RNLS: variants seen among roughly 807,000 people sequenced by gnomAD.
The protein encoded by RNLS is renalase, FAD dependent amine oxidase.
In RNLS, 39 loss-of-function variants were observed where a neutral mutation model predicts 39.8. That is an observed-to-expected ratio of 0.98 (90% CI 0.76 to 1.28). The LOEUF (loss-of-function observed/expected upper bound fraction) is 1.28. RNLS is among the 50% of genes most tolerant of loss of function. The probability of loss-of-function intolerance (pLI) is 0.00; values close to 1 mark genes in which losing one functional copy is unlikely to be tolerated. For missense variants in RNLS, 410 were observed against 413.3 expected, an observed-to-expected ratio of 0.99 and a Z score of 0.07; for synonymous variants, 147 against 150.7, an observed-to-expected ratio of 0.98 and a Z score of 0.18.
In RNLS at chr10:88,530,397, T is replaced by C. The variant is rs74567827; in HGVS notation, c.526+42506A>G. ...TTCTTTGTTTCCTGTTTCTTTTGTT[T>C]CTTTTTCTCTGTTTTTGTGACTTTT... On this transcript the variant is annotated intron_variant, in intron 4 of 6. Coordinates refer to ENST00000331772, the MANE Select transcript of RNLS (RefSeq NM_001031709.3). Among the ~76,000 whole-genome samples the C allele has an allele frequency of 5.5e-3, 837 of 152,336 alleles. 9 individuals carry two copies. Among genetic ancestry groups the C allele is most frequent in the African/African-American group, 0.02 (817 of 41,590 alleles).
the RNLS span, among the ~76,000 whole-genome samples, chr10:88,175,668 TC>T: frequency 7.2e-5 from 11 of 152,314 alleles, no homozygotes; most frequent in African/African-American, 2.6e-4. Context: ...CATCATATGA[TC>T]TATCCTGGAG....
intron 5 of RNLS, among the ~76,000 whole-genome samples, chr10:88,358,814 T>C (rs929333043): frequency 3.9e-5 from 6 of 152,234 alleles, no homozygotes; most frequent in African/African-American, 1.4e-4. Flanking sequence ...GGGCTACTTC[T>C]ATATCCTCTA....
rs1322257734 is a variant in RNLS at position 88,284,176 on chromosome 10, A to T, written c.*1178T>A. The T allele has an allele frequency of 1.0e-6, 1 of 985,266 alleles. No individual in the cohort carries two copies. Among genetic ancestry groups the T allele is most frequent in the Non-Finnish European group, 1.2e-6 (1 of 829,908 alleles). 61.0% of individuals were successfully genotyped at this position (985,266 alleles called of 1,614,324 possible). The stretch of plus-strand genomic sequence containing the variant: ...AATATGCTATAGGGTCATAAAACCC[A>T]CTTTGCAGCTATAGAAGCAAGTTCT... On this transcript the variant is annotated 3_prime_UTR_variant, in exon 7 of 7. Coordinates refer to ENST00000331772, the MANE Select transcript of RNLS (RefSeq NM_001031709.3).
intron 4 of RNLS, among the ~76,000 whole-genome samples, chr10:88,393,668 T>C (rs1852360178): frequency 6.6e-6 from 1 of 152,134 alleles, no homozygotes; most frequent in Non-Finnish European, 1.5e-5. Flanking sequence ...CCAATGACTT[T>C]CTTCACAGAA....
chr10:88,323,529 T>C (rs1277617346), intron 5 of RNLS, among the ~76,000 whole-genome samples: 1 of 152,004 alleles, frequency 6.6e-6, no homozygotes, highest in Non-Finnish European at 1.5e-5. Flanking sequence ...GTAAATTATG[T>C]GGGGGAAAAC....
intron 4 of RNLS, among the ~76,000 whole-genome samples, chr10:88,416,414 C>T (rs1022147519): frequency 9.2e-5 from 14 of 151,738 alleles, no homozygotes; most frequent in African/African-American, 2.7e-4. Context: ...CCAACACGCC[C>T]GGCTAATTTC....
At chr10:88,216,787 C>CA in the RNLS span, among the ~76,000 whole-genome samples, 3,201 of 152,170 alleles carry the variant, frequency 0.021, 43 homozygotes, top group East Asian at 0.036. Flanking sequence ...ACAACAACAA[C>CA]AAAAAAACCC....
chr10:88,330,463 C>G (rs1227180580), intron 5 of RNLS, among the ~76,000 whole-genome samples: 2 of 152,002 alleles, frequency 1.3e-5, no homozygotes, highest in East Asian at 3.8e-4. Context: ...GAATATCTCT[C>G]TTAAGCTGAT....
At chr10:88,516,045 G>A (rs977371163) in intron 4 of RNLS, among the ~76,000 whole-genome samples, 14 of 151,970 alleles carry the variant, frequency 9.2e-5, no homozygotes, top group African/African-American at 2.9e-4. Flanking sequence ...AGGACACAGC[G>A]AGAAGGCAAC....
At chr10:88,218,472 C>T in the RNLS span, among the ~76,000 whole-genome samples, 1 of 152,232 alleles carries the variant, frequency 6.6e-6, no homozygotes, top group Non-Finnish European at 1.5e-5. Flanking sequence ...CCCTCCTAGG[C>T]ACCAGAAGTA....
intron 5 of RNLS, among the ~76,000 whole-genome samples, chr10:88,329,025 A>T (rs1846868374): frequency 6.6e-6 from 1 of 151,888 alleles, no homozygotes; most frequent in Admixed American, 6.6e-5. Context: ...TAAAGATATG[A>T]TACCAATGTA....
chr10:88,457,240 A>T (rs1564814951), intron 4 of RNLS, among the ~76,000 whole-genome samples: 1 of 152,230 alleles, frequency 6.6e-6, no homozygotes, highest in Non-Finnish European at 1.5e-5. Context: ...GATACTAAAC[A>T]ACAAAATTGC....
chr10:88,478,887 TTCTTTCTCTTTCTTTCTTTC>T lies in RNLS; in HGVS notation c.526+93996_526+94015del, dbSNP rs576706023. Among the ~76,000 whole-genome samples, 315 of 152,046 alleles carry T rather than the reference TTCTTTCTCTTTCTTTCTTTC, an allele frequency of 2.1e-3. 1 individual carries two copies. The highest frequency in any genetic ancestry group is 7.3e-3 in the African/African-American group (302 of 41,446). ...CATTTCTTTCTTTCTCTTTCTTTCTTTCTTTCTCTTTCTTTCTTTCTCTCTCTCTCTCTTTCTGTCTGTCT... is the reference window on the plus strand; with the variant it reads ...CATTTCTTTCTTTCTCTTTCTTTCTTTCTCTCTCTCTCTTTCTGTCTGTCT... On this transcript the variant is annotated intron_variant, in intron 4 of 6. Coordinates refer to ENST00000331772, the MANE Select transcript of RNLS (RefSeq NM_001031709.3).
At chr10:88,337,910 T>A (rs59513062) in intron 5 of RNLS, among the ~76,000 whole-genome samples, 1 of 151,996 alleles carries the variant, frequency 6.6e-6, no homozygotes, top group East Asian at 1.9e-4. Context: ...TCCCTCTCCT[T>A]CTCCTCCTCC....
chr10:88,396,781 G>T (rs1459674289), intron 4 of RNLS, among the ~76,000 whole-genome samples: 1 of 148,964 alleles, frequency 6.7e-6, no homozygotes, highest in African/African-American at 2.4e-5. Context: ...AAGGTAAAAG[G>T]TTGGGAAAAG....
At chr10:88,446,262 C>A (rs963128250) in intron 4 of RNLS, among the ~76,000 whole-genome samples, 1 of 152,132 alleles carries the variant, frequency 6.6e-6, no homozygotes, top group Non-Finnish European at 1.5e-5. Flanking sequence ...TTCTTTGAAA[C>A]CAACGAGAAC....
At chr10:88,188,290 C>G in the RNLS span, among the ~76,000 whole-genome samples, 1 of 152,212 alleles carries the variant, frequency 6.6e-6, no homozygotes, top group Admixed American at 6.5e-5. Context: ...CTCCTGACCT[C>G]AAGTGATCCT....
the RNLS span, among the ~76,000 whole-genome samples, chr10:88,203,770 A>G: frequency 1.3e-5 from 2 of 151,132 alleles, no homozygotes; most frequent in Non-Finnish European, 2.9e-5. Context: ...AATATTTATT[A>G]TAAAATAATA....
intron 4 of RNLS, among the ~76,000 whole-genome samples, chr10:88,458,966 C>T (rs1842786969): frequency 6.6e-6 from 1 of 152,180 alleles, no homozygotes; most frequent in Non-Finnish European, 1.5e-5. Context: ...GAAGGGCAGA[C>T]TACCTGGTGG....
Sources: gnomAD v4.1 joint callset for allele counts (sites outside exome capture counted in the v4.1 genomes callset) on GRCh38, gnomAD v4.1.1 for gene constraint, MANE v1.5 for transcripts, NCBI Gene and HGNC (gene_info 2026-07-23, HGNC 2026-07-21) for gene names.